The following BTBD10 variants were observed in gnomAD, a reference collection of about 807,000 sequenced individuals.
BTBD10 encodes the protein BTB/POZ domain-containing protein 10.
A neutral mutation model predicts 53.2 loss-of-function variants in BTBD10; 21 were observed. The ratio of observed to expected loss-of-function variants is 0.39; its 90% CI spans 0.28 to 0.57. BTBD10 has a LOEUF of 0.57. BTBD10 is among the 20% of genes least tolerant of loss of function. The pLI, the probability that BTBD10 is intolerant of heterozygous loss-of-function variation, is 0.53. For synonymous variants in BTBD10, 149 were observed against 192.7 expected (o/e 0.77, Z 1.88); for missense variants, 360 against 594.7 (o/e 0.61, Z 4.10).
intron 2 of BTBD10, among the ~76,000 whole-genome samples, chr11:13,434,633 T>G (rs1336679012): frequency 6.6e-6 from 1 of 152,196 alleles, no homozygotes; most frequent in Non-Finnish European, 1.5e-5. Context: ...AGCACTGAAG[T>G]GTGAATTAAA....
chr11:13,405,638 A>G, intron 7 of BTBD10, 21 bp downstream of exon 7: 2 of 1,612,344 alleles, frequency 1.2e-6, no homozygotes, highest in Non-Finnish European at 1.7e-6. Flanking sequence ...CAGGGGAGAG[A>G]AAACATGCCA....
intron 2 of BTBD10, among the ~76,000 whole-genome samples, chr11:13,441,081 G>A (rs1006313168): frequency 3.9e-5 from 6 of 151,914 alleles, no homozygotes; most frequent in Non-Finnish European, 7.4e-5. Context: ...CCAGAAACAA[G>A]TTGAGCAACT....
intron 8 of BTBD10, among the ~76,000 whole-genome samples, chr11:13,393,476 A>AT (rs1488712616): frequency 2.6e-5 from 4 of 151,814 alleles, no homozygotes; most frequent in East Asian, 3.9e-4. Context: ...GGAAATCTCA[A>AT]TTTTTTTTCT....
At chr11:13,439,885 T>C in intron 2 of BTBD10, 2 of 1,526,778 alleles carry the variant, frequency 1.3e-6, no homozygotes, top group East Asian at 2.5e-5. Flanking sequence ...AATACACACC[T>C]TCCTTTAGTA....
chr11:13,456,224 G>C (rs1022007131), intron 1 of BTBD10, among the ~76,000 whole-genome samples: 1 of 152,126 alleles, frequency 6.6e-6, no homozygotes, highest in Non-Finnish European at 1.5e-5. Flanking sequence ...AGTCTGTGGT[G>C]CATGAATAGA....
chr11:13,434,859 C>G (rs1950519344), intron 2 of BTBD10, among the ~76,000 whole-genome samples: 1 of 152,106 alleles, frequency 6.6e-6, no homozygotes, highest in Non-Finnish European at 1.5e-5. Flanking sequence ...CTGAAATTTA[C>G]TGATGGATGA....
In BTBD10 at chr11:13,412,331, T is replaced by C. The variant is rs1591114981; in HGVS notation, c.808+1199A>G. On this transcript the variant is annotated intron_variant, in intron 6 of 8. Coordinates refer to ENST00000278174, the MANE Select transcript of BTBD10 (RefSeq NM_032320.7). Reference sequence around the variant, plus strand: ...AGCCAGGTGTGGTGATGGGTGCCTGTAACCCCAGCTACTGGGGAGGCTAAG... The same window carrying C: ...AGCCAGGTGTGGTGATGGGTGCCTGCAACCCCAGCTACTGGGGAGGCTAAG... Among the ~76,000 whole-genome samples the C allele has an allele frequency of 2.0e-5, 3 of 152,038 alleles. No individual in the cohort carries two copies. The South Asian group carries it at 6.2e-4, about 32-fold the overall frequency.
At chr11:13,458,775 G>T (rs1210779736) in intron 1 of BTBD10, among the ~76,000 whole-genome samples, 1 of 152,152 alleles carries the variant, frequency 6.6e-6, no homozygotes, top group Non-Finnish European at 1.5e-5. Context: ...CTTACAGGAG[G>T]TTATGGTCTT....
intron 6 of BTBD10, among the ~76,000 whole-genome samples, chr11:13,413,279 A>C (rs1222310827): frequency 4.6e-5 from 7 of 152,186 alleles, no homozygotes; most frequent in Non-Finnish European, 1.0e-4. Flanking sequence ...ATAATATAGA[A>C]AACTGTCTAG....
chr11:13,421,127 C>A (rs1039386743), intron 3 of BTBD10, among the ~76,000 whole-genome samples: 1 of 152,110 alleles, frequency 6.6e-6, no homozygotes, highest in African/African-American at 2.4e-5. Flanking sequence ...ACCTGGGGTA[C>A]TAATGTTCAT....
chr11:13,402,761 C>T (rs1949740332), intron 8 of BTBD10, among the ~76,000 whole-genome samples: 1 of 152,118 alleles, frequency 6.6e-6, no homozygotes, highest in Non-Finnish European at 1.5e-5. Context: ...ACTAGTAGTG[C>T]TGCTTTTACA....
In BTBD10 at chr11:13,405,829, T is replaced by A. The variant is rs1015803115; in HGVS notation, c.836A>T (p.Asp279Val). Residue 279 changes from aspartate (D) to valine (V), a missense_variant, in exon 7 of 9, where the codon GAT becomes GTT. Asp to Val is a radical substitution (Grantham distance 152). Coordinates refer to ENST00000278174, the MANE Select transcript of BTBD10 (RefSeq NM_032320.7). ...LSALMHELSN[D>V]GARRQFEFYL... ...AAATTCAAATTGTCTACGAGCACCA[T>A]CATTTGATAACTCATGCATTAGGGC... 8 of 1,613,516 alleles carry A rather than the reference T, an allele frequency of 5.0e-6. No homozygotes were observed. Among genetic ancestry groups the A allele is most frequent in the Non-Finnish European group, 6.8e-6 (8 of 1,179,556 alleles).
chr11:13,413,742 AACAG>A (rs1391072035), intron 5 of BTBD10, 92 bp from the exon 6 acceptor site: 8 of 1,191,440 alleles, frequency 6.7e-6, no homozygotes, highest in African/African-American at 1.6e-5. Flanking sequence ...CATTTTCAGA[AACAG>A]TAGAGAACTC....
Position 13,388,764 on chromosome 11 carries a change from T to TG in BTBD10, c.*66dup, listed in dbSNP as rs553739876. On this transcript the variant is annotated 3_prime_UTR_variant, in exon 9 of 9. Transcript: ENST00000278174. ...ACAATGAAGAAGAGTGGCCTTGCAG[T>TG]GCAGAATGAGGAGAGTACAACGTCA... 669 of 1,489,968 alleles carry TG rather than the reference T, an allele frequency of 4.5e-4. 3 individuals are homozygous for TG. The Middle Eastern group carries it at 0.013, about 29-fold the overall frequency. The allele number at this position is 1,489,968 out of a possible 1,614,324, so 92.3% of individuals were successfully genotyped here.
At chr11:13,426,083 T>A (rs1274786407) in intron 2 of BTBD10, among the ~76,000 whole-genome samples, 1 of 151,620 alleles carries the variant, frequency 6.6e-6, no homozygotes, top group Non-Finnish European at 1.5e-5. Flanking sequence ...ATGAAGGAAG[T>A]GGGAAGGAAA....
chr11:13,416,111 G>A (rs1950102349), intron 5 of BTBD10, among the ~76,000 whole-genome samples: 1 of 151,952 alleles, frequency 6.6e-6, no homozygotes, highest in African/African-American at 2.4e-5. Flanking sequence ...TAGCACTTTG[G>A]GAGGCCAAGG....
At chr11:13,462,440 G>C (rs1414436798) in intron 1 of BTBD10, among the ~76,000 whole-genome samples, 3 of 152,176 alleles carry the variant, frequency 2.0e-5, no homozygotes, top group Non-Finnish European at 4.4e-5. Flanking sequence ...TACTGAGAAA[G>C]GAGAAGCAGG....
At chr11:13,430,029 C>T (rs1296746139) in intron 2 of BTBD10, among the ~76,000 whole-genome samples, 2 of 152,010 alleles carry the variant, frequency 1.3e-5, no homozygotes, top group African/African-American at 4.8e-5. Context: ...TTGCTTGAGC[C>T]CAGAAGTTTG....
chr11:13,440,365 A>T (rs536765986), intron 2 of BTBD10: 1 of 1,011,212 alleles, frequency 9.9e-7, no homozygotes, highest in Non-Finnish European at 1.2e-6. Context: ...GCAGGAGTTG[A>T]GGGCTTAGAG....
Sources: gnomAD v4.1 joint callset for allele counts (sites outside exome capture counted in the v4.1 genomes callset) on GRCh38, gnomAD v4.1.1 for gene constraint, MANE v1.5 for transcripts, NCBI Gene and HGNC (gene_info 2026-07-23, HGNC 2026-07-21) for gene names.